Variants in KCNIP4 observed in about 807,000 individuals in gnomAD.
The protein encoded by KCNIP4 is potassium voltage-gated channel interacting protein 4, also known as Kv channel-interacting protein 4.
In KCNIP4, 12 loss-of-function variants were observed where a neutral mutation model predicts 34.0. The ratio of observed to expected loss-of-function variants is 0.35; its 90% CI spans 0.23 to 0.57. The LOEUF is 0.57. Ranked by LOEUF, KCNIP4 falls within the 20% of genes least tolerant of loss-of-function variation. KCNIP4 has a pLI of 0.83. For missense variants in KCNIP4, 238 were observed against 311.7 expected (o/e 0.76, Z 1.78); for synonymous variants, 124 against 102.2 (o/e 1.21, Z -1.29).
At chr4:21,413,145 T>G (rs1724651176) in intron 1 of KCNIP4, among the ~76,000 whole-genome samples, 2 of 152,164 alleles carry the variant, frequency 1.3e-5, no homozygotes, top group Non-Finnish European at 2.9e-5. Flanking sequence ...CATCATATTT[T>G]TATTTGGTTG....
chr4:21,688,690 C>T (rs1042308967), intron 1 of KCNIP4, among the ~76,000 whole-genome samples: 12 of 152,032 alleles, frequency 7.9e-5, no homozygotes, highest in African/African-American at 2.9e-4. Context: ...TGGAAATTTG[C>T]TCCAGGCAGA....
At chr4:21,597,298 C>T (rs569534093) in intron 1 of KCNIP4, among the ~76,000 whole-genome samples, 3 of 152,136 alleles carry the variant, frequency 2.0e-5, no homozygotes, top group African/African-American at 7.2e-5. Context: ...TTGTCTGCCG[C>T]GATGTAAGAC....
chr4:21,173,250 A>G (rs991609553), intron 1 of KCNIP4, among the ~76,000 whole-genome samples: 3 of 152,098 alleles, frequency 2.0e-5, no homozygotes, highest in Non-Finnish European at 4.4e-5. Flanking sequence ...AAGATATTAA[A>G]AAGTGCTAGG....
chr4:21,890,819 T>C (rs1727048606), intron 1 of KCNIP4, among the ~76,000 whole-genome samples: 1 of 152,074 alleles, frequency 6.6e-6, no homozygotes, highest in South Asian at 2.1e-4. Flanking sequence ...ATTTCAATAG[T>C]GATGGTACAA....
At chr4:21,654,565 T>C (rs1252836113) in intron 1 of KCNIP4, among the ~76,000 whole-genome samples, 1 of 152,144 alleles carries the variant, frequency 6.6e-6, no homozygotes, top group Non-Finnish European at 1.5e-5. Context: ...TGTGCCATCT[T>C]GTTCATCATC....
At chr4:21,773,812 A>G (rs1454192007) in intron 1 of KCNIP4, among the ~76,000 whole-genome samples, 3 of 143,378 alleles carry the variant, frequency 2.1e-5, no homozygotes, top group Non-Finnish European at 4.5e-5. Flanking sequence ...TCCTCCATTC[A>G]TTTATTTTGA....
chr4:20,745,622 G>A (rs549455803), intron 5 of KCNIP4, among the ~76,000 whole-genome samples: 73 of 152,236 alleles, frequency 4.8e-4, no homozygotes, highest in African/African-American at 1.7e-3. Flanking sequence ...AATGATAAAG[G>A]GGTGGAGAGG....
chr4:21,823,563 C>T (rs1722499387), intron 1 of KCNIP4, among the ~76,000 whole-genome samples: 1 of 150,340 alleles, frequency 6.7e-6, no homozygotes, highest in Admixed American at 6.6e-5. Flanking sequence ...TCTCAATACA[C>T]TGGTACATTT....
chr4:21,677,827 G>C (rs1750026106), intron 1 of KCNIP4, among the ~76,000 whole-genome samples: 1 of 152,156 alleles, frequency 6.6e-6, no homozygotes, highest in Admixed American at 6.5e-5. Flanking sequence ...TTGGCTCACT[G>C]CAACCTCCTC....
At chr4:21,476,060 C>CA (rs1436652493) in intron 1 of KCNIP4, among the ~76,000 whole-genome samples, 3 of 152,114 alleles carry the variant, frequency 2.0e-5, no homozygotes, top group Non-Finnish European at 4.4e-5. Context: ...AGATTAATTA[C>CA]ATTTGATTCA....
intron 1 of KCNIP4, among the ~76,000 whole-genome samples, chr4:21,400,443 C>T (rs778410546): frequency 9.4e-5 from 14 of 149,092 alleles, no homozygotes; most frequent in Non-Finnish European, 1.6e-4. Context: ...CGTCCTCTTG[C>T]CATTTCCTAT....
At chr4:21,422,653 G>A (rs980172784) in intron 1 of KCNIP4, among the ~76,000 whole-genome samples, 2 of 119,884 alleles carry the variant, frequency 1.7e-5, no homozygotes, top group Admixed American at 8.6e-5. Flanking sequence ...TCGTTTATGT[G>A]TGTGTTTGTG....
chr4:20,747,209 A>G (rs1264489879), intron 5 of KCNIP4, among the ~76,000 whole-genome samples: 1 of 152,196 alleles, frequency 6.6e-6, no homozygotes, highest in Admixed American at 6.5e-5. Context: ...TACTAAATTT[A>G]CATATAAAAT....
chr4:20,740,030 G>A (rs1418321921), intron 5 of KCNIP4, among the ~76,000 whole-genome samples: 1 of 152,166 alleles, frequency 6.6e-6, no homozygotes, highest in East Asian at 1.9e-4. Context: ...GAAGCGAGAA[G>A]AGAAGTATAG....
At chr4:21,866,801 G>A (rs1013302870) in intron 1 of KCNIP4, among the ~76,000 whole-genome samples, 14 of 111,538 alleles carry the variant, frequency 1.3e-4, no homozygotes, top group Non-Finnish European at 1.5e-4. Flanking sequence ...ATGGAGTCTC[G>A]CTCTGTCGCC....
At chr4:20,815,347 T>G (rs1338180959) in intron 3 of KCNIP4, among the ~76,000 whole-genome samples, 1 of 152,216 alleles carries the variant, frequency 6.6e-6, no homozygotes, top group Non-Finnish European at 1.5e-5. Context: ...GAGCACATTT[T>G]AGGCCTGAAC....
intron 3 of KCNIP4, among the ~76,000 whole-genome samples, chr4:20,833,423 T>C (rs1416826383): frequency 2.0e-5 from 3 of 152,034 alleles, no homozygotes; most frequent in Non-Finnish European, 4.4e-5. Context: ...AGGCGGAGAT[T>C]GCAGTGCGCC....
At chr4:20,991,805 G>A (rs1737103266) in intron 1 of KCNIP4, among the ~76,000 whole-genome samples, 1 of 152,156 alleles carries the variant, frequency 6.6e-6, no homozygotes, top group Non-Finnish European at 1.5e-5. Flanking sequence ...CATGGCTGGG[G>A]CTTGGTCCTA....
chr4:20,852,359 G>T (rs1270734265), intron 2 of KCNIP4, among the ~76,000 whole-genome samples: 1 of 152,084 alleles, frequency 6.6e-6, no homozygotes, highest in East Asian at 1.9e-4. Context: ...CACATAAACA[G>T]AATTAAAAAC....
Sources: allele counts gnomAD v4.1 joint callset (sites outside exome capture counted in the v4.1 genomes callset), GRCh38; gene constraint gnomAD v4.1.1; transcripts MANE v1.5; gene names NCBI Gene and HGNC (gene_info 2026-07-23, HGNC 2026-07-21).